Variants in PCDHA6 observed in about 807,000 individuals in gnomAD.
The protein encoded by PCDHA6 is protocadherin alpha-6.
Under a neutral mutation model 60.3 loss-of-function variants are expected in PCDHA6, and 55 were observed. That is an observed-to-expected ratio of 0.91 (90% CI 0.73 to 1.14). The LOEUF (loss-of-function observed/expected upper bound fraction) is 1.14, where lower values mean the gene tolerates loss of function less well. Ranked by LOEUF, PCDHA6 falls within the 50% of genes most tolerant of loss-of-function variation. The pLI, the probability that PCDHA6 is intolerant of heterozygous loss-of-function variation, is 0.00. For missense variants in PCDHA6, 1,327 were observed against 1,256.5 expected (o/e 1.06, Z -0.85); for synonymous variants, 652 against 557.9 (o/e 1.17, Z -2.38).
intron 1 of PCDHA6, among the ~76,000 whole-genome samples, chr5:140,908,920 C>A (rs782461394): frequency 6.6e-5 from 10 of 152,180 alleles, no homozygotes; most frequent in Admixed American, 1.3e-4. Flanking sequence ...GTAGGAGGGG[C>A]CAAATGCAGC....
intron 1 of PCDHA6, chr5:140,871,009 C>T (rs1288290775): frequency 1.9e-6 from 3 of 1,613,246 alleles, no homozygotes; most frequent in African/African-American, 2.7e-5. Flanking sequence ...AACGCGTGCC[C>T]TGGACGAGGC....
intron 1 of PCDHA6, chr5:140,865,312 G>A (rs949727799): frequency 1.1e-4 from 17 of 152,148 alleles, no homozygotes; most frequent in African/African-American, 4.1e-4. Context: ...TTACAAATGA[G>A]ATGGCCTTTA....
intron 1 of PCDHA6, chr5:140,877,792 C>A (rs782259804): frequency 1.9e-6 from 3 of 1,613,886 alleles, no homozygotes; most frequent in Non-Finnish European, 2.5e-6. Flanking sequence ...GGCCTTCAGC[C>A]CAAGCCTTCA....
intron 1 of PCDHA6, among the ~76,000 whole-genome samples, chr5:140,947,178 C>T (rs1356075084): frequency 6.6e-6 from 1 of 151,188 alleles, no homozygotes. Context: ...GGTATATATT[C>T]ATGGTATACT....
chr5:140,927,131 C>T (rs782433395), intron 1 of PCDHA6: 1 of 1,614,078 alleles, frequency 6.2e-7, no homozygotes, highest in Non-Finnish European at 8.5e-7. Context: ...GTCAGAGAGC[C>T]GGCGGACCGC....
At chr5:140,835,869 G>C (rs781933371) in intron 1 of PCDHA6, 2 of 1,612,094 alleles carry the variant, frequency 1.2e-6, no homozygotes, top group Non-Finnish European at 8.5e-7. Context: ...CTCGCTGGTG[G>C]AGCTGCGGGT....
At chr5:140,898,112 G>A (rs1308883558) in intron 1 of PCDHA6, among the ~76,000 whole-genome samples, 1 of 152,046 alleles carries the variant, frequency 6.6e-6, no homozygotes, top group African/African-American at 2.4e-5. Flanking sequence ...TGAGTAGGTT[G>A]CGAAAATTTT....
intron 1 of PCDHA6, among the ~76,000 whole-genome samples, chr5:140,903,657 A>G (rs913315008): frequency 6.6e-6 from 1 of 152,230 alleles, no homozygotes; most frequent in Non-Finnish European, 1.5e-5. Flanking sequence ...TATATTATAA[A>G]TTTAACTGAT....
chr5:140,869,962 A>C (rs1554163660), intron 1 of PCDHA6: 4 of 1,612,950 alleles, frequency 2.5e-6, no homozygotes, highest in Middle Eastern at 1.6e-4. Flanking sequence ...AATTAAGCCC[A>C]ATGGAAGACA....
chr5:140,948,885 T>C (rs2094319889), intron 1 of PCDHA6, among the ~76,000 whole-genome samples: 1 of 151,652 alleles, frequency 6.6e-6, no homozygotes, highest in Non-Finnish European at 1.5e-5. Context: ...TTGCTCTCTT[T>C]TAGATTTTAA....
chr5:140,835,887 C>A (rs1554135389), intron 1 of PCDHA6: 1 of 1,611,780 alleles, frequency 6.2e-7, no homozygotes, highest in South Asian at 1.1e-5. Flanking sequence ...GGTGGGCGAG[C>A]GCGCGCTGTC....
intron 3 of PCDHA6, among the ~76,000 whole-genome samples, chr5:141,007,801 G>T (rs559830556): frequency 2.6e-5 from 4 of 152,148 alleles, no homozygotes; most frequent in Non-Finnish European, 5.9e-5. Flanking sequence ...GCCTTTATCT[G>T]CCATTCATTT....
At chr5:140,833,606 GC>G (rs1377132981) in intron 1 of PCDHA6, among the ~76,000 whole-genome samples, 2 of 152,098 alleles carry the variant, frequency 1.3e-5, no homozygotes, top group African/African-American at 4.8e-5. Context: ...TTCTGCTAAA[GC>G]AAAAAATTCA....
At chr5:140,943,248 ACT>A (rs1250099362) in intron 1 of PCDHA6, among the ~76,000 whole-genome samples, 2 of 133,008 alleles carry the variant, frequency 1.5e-5, no homozygotes, top group Non-Finnish European at 3.1e-5. Flanking sequence ...ACAGAGTGAG[ACT>A]CTGTCTCAAA....
chr5:140,881,398 AT>A (rs1269168835), intron 1 of PCDHA6: 1 of 975,426 alleles, frequency 1.0e-6, no homozygotes, highest in Non-Finnish European at 1.2e-6. Context: ...GTTAAATTCT[AT>A]TAAATCAATA....
intron 1 of PCDHA6, among the ~76,000 whole-genome samples, chr5:140,916,217 A>T (rs1050976167): frequency 6.6e-6 from 1 of 152,132 alleles, no homozygotes; most frequent in Non-Finnish European, 1.5e-5. Context: ...GGAAGATCCA[A>T]ATATGCTTTC....
chr5:140,898,593 C>A (rs1236439193), intron 1 of PCDHA6, among the ~76,000 whole-genome samples: 13 of 152,146 alleles, frequency 8.5e-5, no homozygotes, highest in Admixed American at 1.3e-4. Flanking sequence ...GTTACTGTAG[C>A]CTTGTAGTAT....
At chr5:140,932,538 T>C (rs538830618) in intron 1 of PCDHA6, among the ~76,000 whole-genome samples, 1 of 152,036 alleles carries the variant, frequency 6.6e-6, no homozygotes, top group South Asian at 2.1e-4. Context: ...CAAGGTGCTT[T>C]ATTTAACATA....
At position 140,968,680 on chromosome 5, in the gene PCDHA6, C is replaced by T. The variant is rs546565550; in HGVS notation, c.2395-10269C>T. 10 of 1,614,154 alleles carry T rather than the reference C, an allele frequency of 6.2e-6. No homozygotes were observed. The South Asian group carries it at 6.6e-5, about 11-fold the overall frequency. ...TGGACCTCTTTAAGGTAGAGCTGCA[C>T]ACAGGAGAAATTAGGACTACCAGGA... On this transcript the variant is annotated intron_variant, in intron 1 of 3. Coordinates refer to ENST00000529310, the MANE Select transcript of PCDHA6 (RefSeq NM_018909.4).
Sources: allele counts gnomAD v4.1 joint callset (sites outside exome capture counted in the v4.1 genomes callset), GRCh38; gene constraint gnomAD v4.1.1; transcripts MANE v1.5; gene names NCBI Gene and HGNC (gene_info 2026-07-23, HGNC 2026-07-21).